Variants in PDCD4 observed in about 807,000 individuals in gnomAD.
PDCD4 encodes the protein programmed cell death 4, also known as programmed cell death protein 4.
A neutral mutation model predicts 54.0 loss-of-function variants in PDCD4; 56 were observed. The observed-to-expected ratio is 1.04, with a 90% CI of 0.84 to 1.30. PDCD4 has a LOEUF of 1.30. PDCD4 is among the 50% of genes most tolerant of loss of function. The pLI is 0.00. For synonymous variants in PDCD4, 186 were observed against 194.8 expected (o/e 0.95, Z 0.37); for missense variants, 584 against 559.8 (o/e 1.04, Z -0.44).
At position 110,889,779 on chromosome 10, in the gene PDCD4, G is replaced by C. The variant is rs942263196; in HGVS notation, c.875+149G>C. On this transcript the variant is annotated intron_variant, in intron 7 of 11. Transcript: ENST00000280154. ...CCACTGTTAAAATGGAGAGACTATT[G>C]GCATGATATACCAGGAAGAGGACAG... 1.8e-5 allele frequency: 11 copies of C among 606,888 alleles called. No individual in the cohort carries two copies. In the African/African-American group the frequency reaches 1.9e-4, roughly 10 times the overall value. The allele number at this position is 606,888 out of a possible 1,614,324, so 37.6% of individuals were successfully genotyped here. A position where few individuals can be genotyped will look rare whatever the true frequency, so the allele number is the denominator to read the frequency against.
intron 5 of PDCD4, among the ~76,000 whole-genome samples, chr10:110,885,594 A>G (rs1327457176): frequency 6.6e-6 from 1 of 151,822 alleles, no homozygotes; most frequent in African/African-American, 2.4e-5. Context: ...ATGACACAAT[A>G]TTTTTATAAT....
Position 110,898,959 on chromosome 10 carries a change from A to C in PDCD4, c.*871A>C, listed in dbSNP as rs1439811981. 1.3e-5 allele frequency: 2 copies of C among 152,050 alleles called. No homozygotes were observed. Among genetic ancestry groups the C allele is most frequent in the Non-Finnish European group, 1.5e-5 (1 of 67,922 alleles). The allele number at this position is 152,050 out of a possible 1,614,324, so 9.4% of individuals were successfully genotyped here. A position where few individuals can be genotyped will look rare whatever the true frequency, so the allele number is the denominator to read the frequency against. ...GCAGGTATCACTTTACTCCATTGTTATCTGACCTAGAGCTTAATTAAGTTT... is the reference window on the plus strand; with the variant it reads ...GCAGGTATCACTTTACTCCATTGTTCTCTGACCTAGAGCTTAATTAAGTTT... On this transcript the variant is annotated 3_prime_UTR_variant, in exon 12 of 12. Coordinates refer to ENST00000280154, the MANE Select transcript of PDCD4 (RefSeq NM_014456.5).
rs1157132024 is a variant in PDCD4, at chr10:110,881,654, G to T, written c.346+119G>T. Reference sequence around the variant, plus strand: ...AGAGATTCAAAAAGTGAAAATGTAAGGCTTTACAGTTTGTATATATTTTTA... The same window carrying T: ...AGAGATTCAAAAAGTGAAAATGTAATGCTTTACAGTTTGTATATATTTTTA... On this transcript the variant is annotated intron_variant, in intron 3 of 11. Coordinates refer to ENST00000280154, the MANE Select transcript of PDCD4 (RefSeq NM_014456.5). 4 of 758,162 alleles carry T rather than the reference G, an allele frequency of 5.3e-6. No homozygotes were observed. The East Asian group carries it at 1.1e-4, about 20-fold the overall frequency. 47.0% of individuals were successfully genotyped at this position (758,162 alleles called of 1,614,324 possible). A position where few individuals can be genotyped will look rare whatever the true frequency, so the allele number is the denominator to read the frequency against.
At chr10:110,896,965 G>A (rs1048334303) in intron 11 of PDCD4, among the ~76,000 whole-genome samples, 2 of 152,176 alleles carry the variant, frequency 1.3e-5, no homozygotes, top group African/African-American at 4.8e-5. Flanking sequence ...AAATACAGAC[G>A]TTAGCTTGGT....
chr10:110,883,253 T>A (rs572924724), intron 4 of PDCD4, among the ~76,000 whole-genome samples, 156 bp downstream of exon 4: 11 of 152,354 alleles, frequency 7.2e-5, no homozygotes, highest in African/African-American at 2.6e-4. Flanking sequence ...TAACTTTCAC[T>A]TGGTTTCTGT....
rs1324630389 is a variant in PDCD4, at chr10:110,892,313, T to G, written c.990+1643T>G. Among the ~76,000 whole-genome samples, 8 of 152,324 alleles carry G rather than the reference T, an allele frequency of 5.3e-5. No individual in the cohort carries two copies. In the East Asian group the frequency reaches 1.5e-3, roughly 29 times the overall value. The stretch of plus-strand genomic sequence containing the variant: ...TAATATTTTTGGAAACTGGACAAGC[T>G]GTTTTATGGTGTGTGAATTCTCTCT... On this transcript the variant is annotated intron_variant, in intron 8 of 11. Transcript: ENST00000280154.
intron 4 of PDCD4, among the ~76,000 whole-genome samples, chr10:110,883,438 T>A (rs908356674): frequency 6.6e-6 from 1 of 152,234 alleles, no homozygotes; most frequent in African/African-American, 2.4e-5. Context: ...TTTAGAATGG[T>A]AACTATATAA....
Position 110,894,423 on chromosome 10 carries a change from G to A in PDCD4, c.1110G>A (p.Met370Ile). 6.5e-7 allele frequency: 1 copy of A among 1,528,122 alleles called. No individual in the cohort carries two copies. Among genetic ancestry groups the A allele is most frequent in the Non-Finnish European group, 9.0e-7 (1 of 1,105,498 alleles). The allele number at this position is 1,528,122 out of a possible 1,614,324, so 94.7% of individuals were successfully genotyped here. ...GATTCAATTTTTAGGCTATTATAATGGTTTTAGAGTCAACTGGAGAAAGTA... is the reference window on the plus strand; with the variant it reads ...GATTCAATTTTTAGGCTATTATAATAGTTTTAGAGTCAACTGGAGAAAGTA... ...HHELVYEAIIMVLESTGESTF... is the reference protein window; with the variant it reads ...HHELVYEAIIIVLESTGESTF... The change falls in exon 10 of 12, where the codon ATG becomes ATA. Residue 370 changes from methionine to isoleucine, a missense_variant. Coordinates refer to ENST00000280154, the MANE Select transcript of PDCD4 (RefSeq NM_014456.5).
At chr10:110,879,570 G>A (rs1296847634) in intron 2 of PDCD4, among the ~76,000 whole-genome samples, 1 of 151,500 alleles carries the variant, frequency 6.6e-6, no homozygotes, top group Non-Finnish European at 1.5e-5. Flanking sequence ...GGAGAATGGC[G>A]TGAACCCGGG....
intron 8 of PDCD4, among the ~76,000 whole-genome samples, chr10:110,891,999 ATTAACT>A (rs1381762598): frequency 6.6e-6 from 1 of 152,228 alleles, no homozygotes; most frequent in Non-Finnish European, 1.5e-5. Context: ...AAACCAAACT[ATTAACT>A]AAAAAATGAG....
chr10:110,877,578 T>C (rs532668492), intron 2 of PDCD4, among the ~76,000 whole-genome samples: 1 of 152,368 alleles, frequency 6.6e-6, no homozygotes, highest in East Asian at 1.9e-4. Flanking sequence ...TTGCATTCTA[T>C]TTCTATTAGA....
chr10:110,889,245 A>G (rs921201910), intron 6 of PDCD4, among the ~76,000 whole-genome samples: 1 of 126,694 alleles, frequency 7.9e-6, no homozygotes, highest in Admixed American at 8.1e-5. Flanking sequence ...AAAAAAAAAA[A>G]TTTGATCATA....
chr10:110,884,046 C>G (rs1226387160), intron 4 of PDCD4, among the ~76,000 whole-genome samples: 1 of 152,126 alleles, frequency 6.6e-6, no homozygotes, highest in South Asian at 2.1e-4. Context: ...TTTCAGTTAC[C>G]CATGGTCCAA....
In PDCD4 at chr10:110,889,545, T is replaced by TA. The variant is rs1414788109; in HGVS notation, c.790_791insA (p.Phe264TyrfsTer4). On this transcript the variant is annotated frameshift_variant, in exon 7 of 12. Transcript: ENST00000280154. LOFTEE classifies it high-confidence loss of function. ...TTCCTTTTTACAGTTGGTGGGCCAG[T>TA]TTATTGCTAGAGCTGTTGGAGATGG... The TA allele has an allele frequency of 4.4e-6, 7 of 1,597,964 alleles. No individual in the cohort carries two copies. The highest frequency in any genetic ancestry group is 6.0e-6 in the Non-Finnish European group (7 of 1,167,842).
intron 5 of PDCD4, among the ~76,000 whole-genome samples, chr10:110,886,006 GACTTTT>G (rs1238183222): frequency 6.6e-5 from 10 of 152,072 alleles, no homozygotes; most frequent in Non-Finnish European, 1.3e-4. Flanking sequence ...ATTTAGACTG[GACTTTT>G]ATGATTTGTC....
At chr10:110,878,887 A>G (rs1337127605) in intron 2 of PDCD4, among the ~76,000 whole-genome samples, 1 of 152,164 alleles carries the variant, frequency 6.6e-6, no homozygotes, top group African/African-American at 2.4e-5. Flanking sequence ...CTGGTATCTA[A>G]TAGATGACAA....
At chr10:110,897,490 G>A (rs1275518880) in intron 11 of PDCD4, among the ~76,000 whole-genome samples, 1 of 152,200 alleles carries the variant, frequency 6.6e-6, no homozygotes, top group Non-Finnish European at 1.5e-5. Context: ...ACATTATAGA[G>A]CAGGGCTTCT....
chr10:110,888,051 T>C (rs907049894), intron 6 of PDCD4, among the ~76,000 whole-genome samples, 165 bp downstream of exon 6: 2 of 152,178 alleles, frequency 1.3e-5, no homozygotes, highest in Non-Finnish European at 2.9e-5. Context: ...TTCCTAGTTC[T>C]TTTGTTTTTT....
chr10:110,875,142 ATTTC>A (rs752328968), intron 1 of PDCD4, among the ~76,000 whole-genome samples: 5 of 152,120 alleles, frequency 3.3e-5, no homozygotes, highest in Admixed American at 2.0e-4. Flanking sequence ...CTATTTTGAT[ATTTC>A]TTTCATATAA....
Sources: allele counts gnomAD v4.1 joint callset (sites outside exome capture counted in the v4.1 genomes callset), GRCh38; gene constraint gnomAD v4.1.1; transcripts MANE v1.5; gene names NCBI Gene and HGNC (gene_info 2026-07-23, HGNC 2026-07-21).